The following PDZRN3 variants were observed in gnomAD, a reference collection of about 807,000 sequenced individuals.
The protein encoded by PDZRN3 is E3 ubiquitin-protein ligase PDZRN3.
In PDZRN3, 38 loss-of-function variants were observed where a neutral mutation model predicts 85.7. The observed-to-expected ratio is 0.44, with a 90% CI of 0.34 to 0.58. The LOEUF (loss-of-function observed/expected upper bound fraction) is 0.58. Among genes scored for constraint, PDZRN3 ranks in the 20% least tolerant of loss-of-function variants. The pLI, the probability that PDZRN3 is intolerant of heterozygous loss-of-function variation, is 0.01. For synonymous variants in PDZRN3, 759 were observed against 638.0 expected (o/e 1.19, Z -2.86); for missense variants, 1,629 against 1,506.4 (o/e 1.08, Z -1.35).
chr3:73,586,425 T>C (rs2106873921), intron 3 of PDZRN3, among the ~76,000 whole-genome samples: 1 of 152,334 alleles, frequency 6.6e-6, no homozygotes, highest in South Asian at 2.1e-4. Flanking sequence ...TTGTGTGACT[T>C]GTACATCTAT....
chr3:73,565,660 G>A (rs551500513), intron 3 of PDZRN3, among the ~76,000 whole-genome samples: 36 of 152,084 alleles, frequency 2.4e-4, no homozygotes, highest in Non-Finnish European at 4.1e-4. Flanking sequence ...TTCAGGGGCC[G>A]GGCGCGGTGA....
At chr3:73,458,463 G>GT (rs546939088) in intron 3 of PDZRN3, among the ~76,000 whole-genome samples, 35 of 150,868 alleles carry the variant, frequency 2.3e-4, no homozygotes, top group African/African-American at 7.8e-4. Context: ...TTTTAAATAG[G>GT]TTTTTTTCCC....
chr3:73,548,896 A>T (rs1271592910), intron 3 of PDZRN3, among the ~76,000 whole-genome samples: 1 of 152,270 alleles, frequency 6.6e-6, no homozygotes, highest in Non-Finnish European at 1.5e-5. Context: ...AAAGGCAGTC[A>T]TGAGAACTGA....
At chr3:73,488,956 G>A (rs1703717151) in intron 3 of PDZRN3, among the ~76,000 whole-genome samples, 1 of 152,196 alleles carries the variant, frequency 6.6e-6, no homozygotes, top group Non-Finnish European at 1.5e-5. Flanking sequence ...TGTAGTGGGT[G>A]GGCATGACAG....
chr3:73,452,387 C>G (rs1575663590), intron 3 of PDZRN3, among the ~76,000 whole-genome samples: 1 of 152,178 alleles, frequency 6.6e-6, no homozygotes, highest in African/African-American at 2.4e-5. Flanking sequence ...GTTATCTTCT[C>G]CAAGAAATCA....
At chr3:73,404,591 G>C in intron 3 of PDZRN3, 196 bp from the exon 4 acceptor site, 3 of 559,300 alleles carry the variant, frequency 5.4e-6, no homozygotes, top group Non-Finnish European at 9.4e-6. Flanking sequence ...GAGGTATTCA[G>C]ATCTGGCATG....
At chr3:73,400,493 A>C (rs1481436990) in intron 5 of PDZRN3, among the ~76,000 whole-genome samples, 1 of 152,234 alleles carries the variant, frequency 6.6e-6, no homozygotes, top group Admixed American at 6.5e-5. Context: ...AGCAGTGAAC[A>C]AACCCTTTTG....
At chr3:73,567,848 C>A (rs758973939) in intron 3 of PDZRN3, among the ~76,000 whole-genome samples, 1 of 152,164 alleles carries the variant, frequency 6.6e-6, no homozygotes, top group East Asian at 1.9e-4. Flanking sequence ...AGAAATACAA[C>A]GATAGGGTCC....
intron 3 of PDZRN3, among the ~76,000 whole-genome samples, chr3:73,590,325 CTG>C (rs1410426535): frequency 6.7e-6 from 1 of 149,060 alleles, no homozygotes. Flanking sequence ...GATTAAAAGA[CTG>C]TAGCTAATAA....
chr3:73,588,201 G>C (rs536596098), intron 3 of PDZRN3, among the ~76,000 whole-genome samples: 2 of 152,080 alleles, frequency 1.3e-5, no homozygotes, highest in African/African-American at 4.8e-5. Flanking sequence ...TTCTGTTCCT[G>C]TGTTAGTTTG....
At chr3:73,511,859 G>A (rs1464960214) in intron 3 of PDZRN3, among the ~76,000 whole-genome samples, 2 of 152,164 alleles carry the variant, frequency 1.3e-5, no homozygotes, top group Non-Finnish European at 2.9e-5. Flanking sequence ...TACATGAACG[G>A]CTTCCAACCG....
At chr3:73,462,542 CAAAA>C (rs1167584471) in intron 3 of PDZRN3, among the ~76,000 whole-genome samples, 4 of 93,436 alleles carry the variant, frequency 4.3e-5, no homozygotes, top group Admixed American at 2.5e-4. Context: ...GACTCCGTCT[CAAAA>C]AAAAAAAAAA....
intron 3 of PDZRN3, among the ~76,000 whole-genome samples, chr3:73,586,248 A>G (rs2106873659): frequency 6.6e-6 from 1 of 152,294 alleles, no homozygotes; most frequent in East Asian, 1.9e-4. Context: ...TGGGAGAGAT[A>G]TCTATTTTAA....
chr3:73,616,544 AACAG>A (rs1392421109), intron 1 of PDZRN3, among the ~76,000 whole-genome samples: 1 of 152,012 alleles, frequency 6.6e-6, no homozygotes, highest in Admixed American at 6.5e-5. Context: ...ACCACTGCAA[AACAG>A]ACAGAGGATA....
At chr3:73,497,844 C>T (rs542108336) in intron 3 of PDZRN3, among the ~76,000 whole-genome samples, 5 of 150,794 alleles carry the variant, frequency 3.3e-5, no homozygotes, top group East Asian at 1.9e-4. Context: ...GTGATGGGGA[C>T]GTAACAGGGG....
intron 3 of PDZRN3, among the ~76,000 whole-genome samples, chr3:73,516,078 G>A (rs1031555565): frequency 4.6e-5 from 7 of 152,294 alleles, no homozygotes; most frequent in Non-Finnish European, 8.8e-5. Context: ...GCTTCCTGCC[G>A]TATAGATGTA....
chr3:73,403,351 C>A (rs1005035364), intron 4 of PDZRN3, among the ~76,000 whole-genome samples: 1 of 152,190 alleles, frequency 6.6e-6, no homozygotes, highest in African/African-American at 2.4e-5. Context: ...TTTTACATCA[C>A]CCACTAAATT....
chr3:73,507,413 G>A (rs993270991), intron 3 of PDZRN3, among the ~76,000 whole-genome samples: 1 of 152,046 alleles, frequency 6.6e-6, no homozygotes, highest in African/African-American at 2.4e-5. Context: ...CAGGTGATCC[G>A]CCCGCCTTGG....
chr3:73,443,498 T>TTTAGG (rs57581231), intron 3 of PDZRN3, among the ~76,000 whole-genome samples: 1 of 129,100 alleles, frequency 7.7e-6, no homozygotes, highest in African/African-American at 4.0e-5. Context: ...TTTTTTTTTT[T>TTTAGG]GGGGGGGGGA....
Sources: allele counts gnomAD v4.1 joint callset (sites outside exome capture counted in the v4.1 genomes callset), GRCh38; gene constraint gnomAD v4.1.1; transcripts MANE v1.5; gene names NCBI Gene and HGNC (gene_info 2026-07-23, HGNC 2026-07-21).